WDR70: variants seen among roughly 807,000 people sequenced by gnomAD.
WDR70 encodes the protein WD repeat domain 70, also known as WD repeat-containing protein 70.
WDR70 carries 53 observed loss-of-function variants against 88.6 expected under a neutral mutation model. That is an observed-to-expected ratio of 0.60 (90% confidence interval 0.48 to 0.75). The LOEUF (loss-of-function observed/expected upper bound fraction) is 0.75. Among genes scored for constraint, WDR70 ranks in the 30% least tolerant of loss-of-function variants. The pLI is 0.00. For synonymous variants in WDR70, 280 were observed against 270.0 expected (o/e 1.04, Z -0.36); for missense variants, 610 against 823.2 (o/e 0.74, Z 3.17).
At chr5:37,643,919 G>A (rs1745167404) in intron 10 of WDR70, among the ~76,000 whole-genome samples, 1 of 151,980 alleles carries the variant, frequency 6.6e-6, no homozygotes, top group African/African-American at 2.4e-5. Flanking sequence ...ATAAGATTAT[G>A]TCATCTGCAA....
At chr5:37,600,569 A>G (rs1743850352) in intron 9 of WDR70, among the ~76,000 whole-genome samples, 1 of 152,004 alleles carries the variant, frequency 6.6e-6, no homozygotes, top group African/African-American at 2.4e-5. Flanking sequence ...CAATAAAATG[A>G]CAACCTAATT....
intron 7 of WDR70, among the ~76,000 whole-genome samples, chr5:37,461,294 C>G (rs956500874): frequency 6.6e-6 from 1 of 152,060 alleles, no homozygotes. Flanking sequence ...TATTTACGCT[C>G]TCTGCCTGGT....
intron 17 of WDR70, among the ~76,000 whole-genome samples, chr5:37,741,268 G>T (rs1321974285): frequency 1.4e-5 from 2 of 147,676 alleles, no homozygotes; most frequent in African/African-American, 2.5e-5. Flanking sequence ...ATTTAAAAAG[G>T]TCTAATTTTG....
intron 5 of WDR70, among the ~76,000 whole-genome samples, chr5:37,430,745 G>C (rs1750277021): frequency 6.6e-6 from 1 of 152,032 alleles, no homozygotes; most frequent in South Asian, 2.1e-4. Context: ...ATCTTTAGTA[G>C]TGACGGGGTT....
chr5:37,721,141 A>G lies in WDR70; in HGVS notation c.1443A>G (p.Pro481=), dbSNP rs1433971034. Residue 481 remains proline (P), a synonymous_variant, in exon 14 of 18, where the codon CCA becomes CCG. Transcript: ENST00000265107. ...DASVVRCLWH[P]KLNQIMVGTG... The stretch of plus-strand genomic sequence containing the variant: ...GTGTTGTTCGCTGCCTGTGGCATCC[A>G]AAGCTGAACCAGATCATGGTTGGAA... 1.9e-6 allele frequency: 3 copies of G among 1,613,652 alleles called. No homozygotes were observed. The highest frequency in any genetic ancestry group is 1.1e-5 in the South Asian group (1 of 91,086).
intron 8 of WDR70, among the ~76,000 whole-genome samples, chr5:37,514,852 C>T (rs977454932): frequency 5.9e-5 from 9 of 151,412 alleles, no homozygotes; most frequent in South Asian, 2.1e-4. Context: ...CCCGTCTCTA[C>T]GAAAAATACA....
intron 3 of WDR70, among the ~76,000 whole-genome samples, chr5:37,385,710 G>C (rs1748589850): frequency 6.6e-6 from 1 of 151,706 alleles, no homozygotes; most frequent in Non-Finnish European, 1.5e-5. Flanking sequence ...GATCCAAAGG[G>C]GCTTCTAATG....
intron 3 of WDR70, among the ~76,000 whole-genome samples, chr5:37,388,738 C>CA (rs56184955): frequency 0.48 from 67,908 of 140,676 alleles, 18,690 homozygotes; most frequent in Non-Finnish European, 0.62. Flanking sequence ...GACTCCGTCT[C>CA]AAAAAAAAAA....
At position 37,594,850 on chromosome 5, in the gene WDR70, C is replaced by T. The variant is rs555660873; in HGVS notation, c.918-10214C>T. On this transcript the variant is annotated intron_variant, in intron 9 of 17. Coordinates refer to ENST00000265107, the MANE Select transcript of WDR70 (RefSeq NM_018034.4). ...GTTTGTACTTCTCCTTGAAGAGGTC[C>T]TTCACATCCCTTGTAAGTTGGATTC... Among the ~76,000 whole-genome samples the T allele has an allele frequency of 1.9e-3, 290 of 152,162 alleles. 1 individual carries two copies. Among genetic ancestry groups the T allele is most frequent in the African/African-American group, 6.7e-3 (278 of 41,518 alleles).
chr5:37,485,569 T>G (rs953722485), intron 8 of WDR70, among the ~76,000 whole-genome samples: 5 of 152,340 alleles, frequency 3.3e-5, no homozygotes, highest in Middle Eastern at 3.4e-3. Context: ...TGATGTGCCT[T>G]ACAGAGAAAA....
At chr5:37,486,938 T>C (rs1385524879) in intron 8 of WDR70, among the ~76,000 whole-genome samples, 1 of 152,200 alleles carries the variant, frequency 6.6e-6, no homozygotes, top group Non-Finnish European at 1.5e-5. Flanking sequence ...GTTGAGAGTT[T>C]CTTTTGCTGT....
chr5:37,427,164 C>T (rs900024364), intron 5 of WDR70, among the ~76,000 whole-genome samples: 12 of 151,862 alleles, frequency 7.9e-5, no homozygotes, highest in Non-Finnish European at 1.5e-4. Context: ...CTGAGGCGGG[C>T]GGATCACGAG....
chr5:37,487,523 AATTAT>A (rs1257503527), intron 8 of WDR70, among the ~76,000 whole-genome samples: 2 of 149,330 alleles, frequency 1.3e-5, no homozygotes, highest in African/African-American at 4.9e-5. Flanking sequence ...AGGCCCTCCT[AATTAT>A]ATTAAGTTGT....
At chr5:37,695,122 G>A (rs889170491) in intron 10 of WDR70, among the ~76,000 whole-genome samples, 1 of 152,158 alleles carries the variant, frequency 6.6e-6, no homozygotes. Flanking sequence ...TTGGTAGAAG[G>A]CAAAGGGGGA....
chr5:37,543,680 C>A (rs1351513179), intron 9 of WDR70, among the ~76,000 whole-genome samples: 3 of 151,982 alleles, frequency 2.0e-5, no homozygotes, highest in Non-Finnish European at 4.4e-5. Context: ...CATCATCTCC[C>A]CAACCTCACC....
intron 9 of WDR70, among the ~76,000 whole-genome samples, chr5:37,586,768 C>T (rs1180281448): frequency 6.6e-6 from 1 of 152,156 alleles, no homozygotes; most frequent in Non-Finnish European, 1.5e-5. Flanking sequence ...CCTATTCTCT[C>T]AGTGTTTGTT....
At chr5:37,683,208 T>C (rs1313452566) in intron 10 of WDR70, among the ~76,000 whole-genome samples, 1 of 152,212 alleles carries the variant, frequency 6.6e-6, no homozygotes, top group Non-Finnish European at 1.5e-5. Flanking sequence ...TCTCCATCCC[T>C]TTATCTTGAA....
intron 9 of WDR70, among the ~76,000 whole-genome samples, chr5:37,552,892 C>A (rs950764564): frequency 6.6e-6 from 1 of 152,154 alleles, no homozygotes; most frequent in Non-Finnish European, 1.5e-5. Flanking sequence ...GTGGCTCATT[C>A]TGGATTGTTT....
intron 9 of WDR70, among the ~76,000 whole-genome samples, chr5:37,531,007 A>T (rs966950632): frequency 0.013 from 2,016 of 152,120 alleles, 43 homozygotes; most frequent in African/African-American, 0.046. Flanking sequence ...ACTGTCATTC[A>T]GTTCAAAGAA....
Sources: gnomAD v4.1 joint callset for allele counts (sites outside exome capture counted in the v4.1 genomes callset) on GRCh38, gnomAD v4.1.1 for gene constraint, MANE v1.5 for transcripts, NCBI Gene and HGNC (gene_info 2026-07-23, HGNC 2026-07-21) for gene names.